The following COL10A1 variants were observed in gnomAD, a reference collection of about 807,000 sequenced individuals.
COL10A1 encodes the protein collagen type X alpha 1 chain, also known as collagen alpha-1(X) chain.
In COL10A1, 10 loss-of-function variants were observed where a neutral mutation model predicts 18.2. The observed-to-expected ratio is 0.55, with a 90% CI of 0.34 to 0.93. The LOEUF (loss-of-function observed/expected upper bound fraction) is 0.93, where lower values mean the gene tolerates loss of function less well. COL10A1 is among the 40% of genes least tolerant of loss of function. The pLI, the probability that COL10A1 is intolerant of heterozygous loss-of-function variation, is 0.02. For missense variants in COL10A1, 897 were observed against 853.5 expected, an observed-to-expected ratio of 1.05 and a Z score of -0.64; for synonymous variants, 330 against 316.6, an observed-to-expected ratio of 1.04 and a Z score of -0.45.
At chr6:116,162,363 A>G (rs927313325), upstream of COL10A1, among the ~76,000 whole-genome samples, 2 of 152,168 alleles carry the variant, frequency 1.3e-5, no homozygotes, top group African/African-American at 4.8e-5. Flanking sequence ...CCAGTTCTTA[A>G]AGGAAATGCT....
the COL10A1 span, among the ~76,000 whole-genome samples, chr6:116,179,028 A>G: frequency 6.6e-6 from 1 of 152,182 alleles, no homozygotes; most frequent in Non-Finnish European, 1.5e-5. Flanking sequence ...TCTTGGCCCT[A>G]AAATAGTCAA....
Position 116,120,079 on chromosome 6 carries a change from T to A in COL10A1, c.2037A>T (p.Pro679=). 1 of 1,613,606 alleles carries A rather than the reference T, an allele frequency of 6.2e-7. No homozygotes were observed. The highest frequency in any genetic ancestry group is 8.5e-7 in the Non-Finnish European group (1 of 1,179,642). Reference sequence around the variant, plus strand: ...AGATTAGCTCTGTGTGTACTCACATTGGAGCCACTAGGAATCCTGAGAAAG... The same window carrying A: ...AGATTAGCTCTGTGTGTACTCACATAGGAGCCACTAGGAATCCTGAGAAAG... ...HSSFSGFLVA[P]M is the part of the protein sequence containing the mutation. The change falls in exon 3 of 3, where the codon CCA becomes CCT. Residue 679 remains proline (P), a synonymous_variant. Transcript: ENST00000651968.
the COL10A1 span, among the ~76,000 whole-genome samples, chr6:116,167,060 C>T: frequency 1.3e-5 from 2 of 152,088 alleles, no homozygotes; most frequent in African/African-American, 2.4e-5. Flanking sequence ...AAAATTAAAT[C>T]ACACTTAAAA....
chr6:116,150,550 G>A (rs1780014106), intron 1 of COL10A1, among the ~76,000 whole-genome samples: 1 of 152,142 alleles, frequency 6.6e-6, no homozygotes, highest in African/African-American at 2.4e-5. Flanking sequence ...CTCCCAAAAC[G>A]CTGGGATTAC....
intron 1 of COL10A1, among the ~76,000 whole-genome samples, chr6:116,140,062 G>A (rs1779726719): frequency 6.6e-6 from 1 of 152,162 alleles, no homozygotes; most frequent in East Asian, 1.9e-4. Flanking sequence ...CCAAGGTGTT[G>A]AGGAATTCCA....
At chr6:116,171,431 G>A in the COL10A1 span, among the ~76,000 whole-genome samples, 1 of 152,106 alleles carries the variant, frequency 6.6e-6, no homozygotes, top group Non-Finnish European at 1.5e-5. Context: ...TATAAAAAAA[G>A]CCAGGCTGTG....
At chr6:116,208,037 G>A in the COL10A1 span, among the ~76,000 whole-genome samples, 9 of 151,744 alleles carry the variant, frequency 5.9e-5, no homozygotes, top group Non-Finnish European at 1.0e-4. Flanking sequence ...CAGGTCTTTC[G>A]TTTGTTAAAT....
At chr6:116,186,330 A>G in the COL10A1 span, among the ~76,000 whole-genome samples, 2 of 150,382 alleles carry the variant, frequency 1.3e-5, no homozygotes, top group Non-Finnish European at 3.0e-5. Flanking sequence ...TTCACTTTAG[A>G]TAACCTGGTG....
upstream of COL10A1, among the ~76,000 whole-genome samples, chr6:116,127,076 A>G (rs1779336304): frequency 6.6e-6 from 1 of 152,162 alleles, no homozygotes; most frequent in African/African-American, 2.4e-5. Flanking sequence ...ATCGTTTTGA[A>G]TCAAAATCAA....
rs756648351 is a variant in COL10A1 at position 116,120,461 on chromosome 6, G to T, written c.1655C>A (p.Ser552Tyr). 8 of 1,614,150 alleles carry T rather than the reference G, an allele frequency of 5.0e-6. No individual in the cohort carries two copies. The Admixed American group carries it at 5.0e-5, about 10-fold the overall frequency. ...ANQGVTGMPV[S>Y]AFTVILSKAY... Reference sequence around the variant, plus strand: ...TTTGGAGAGAATAACAGTAAAAGCAGACACAGGCATTCCTGTTACCCCCTG... The same window carrying T: ...TTTGGAGAGAATAACAGTAAAAGCATACACAGGCATTCCTGTTACCCCCTG... Residue 552 changes from serine (S) to tyrosine (Y), a missense_variant, in exon 3 of 3, where the codon TCT (serine) becomes TAT (tyrosine). Ser to Tyr is a moderately radical substitution (Grantham distance 144). Coordinates refer to ENST00000651968, the MANE Select transcript of COL10A1 (RefSeq NM_000493.4).
chr6:116,135,652 TAACA>T (rs1168761707), intron 1 of COL10A1, among the ~76,000 whole-genome samples: 4 of 151,654 alleles, frequency 2.6e-5, no homozygotes, highest in Non-Finnish European at 5.9e-5. Context: ...TTAATTCAAC[TAACA>T]AACATTTTTT....
chr6:116,133,537 AG>A (rs1779518731), intron 1 of COL10A1, among the ~76,000 whole-genome samples: 1 of 152,204 alleles, frequency 6.6e-6, no homozygotes, highest in South Asian at 2.1e-4. Flanking sequence ...GAGTACCTGT[AG>A]GGTCTGTGTG....
chr6:116,125,416 T>C lies in COL10A1; in HGVS notation c.77A>G (p.Gln26Arg). ...TGGGCCTTTTATGCCTGTGGGCATT[T>C]GGTATCGTTCAGCGTAAAACACTCC... is the stretch of plus-strand genomic sequence containing the variant. Reference protein sequence around the residue: ...VHGVFYAERYQMPTGIKGPLP... With the variant: ...VHGVFYAERYRMPTGIKGPLP... The change falls in exon 2 of 3, where the codon CAA becomes CGA. Residue 26 changes from glutamine to arginine, a missense_variant. By Grantham distance (43) the Gln-to-Arg change is conservative. Coordinates refer to ENST00000651968, the MANE Select transcript of COL10A1 (RefSeq NM_000493.4). 6.2e-7 allele frequency: 1 copy of C among 1,613,912 alleles called. No individual in the cohort carries two copies. Among genetic ancestry groups the C allele is most frequent in the Non-Finnish European group, 8.5e-7 (1 of 1,179,866 alleles).
chr6:116,182,222 A>AGAGAGAGAGTGTGTGTGTGT, the COL10A1 span, among the ~76,000 whole-genome samples: 219 of 124,682 alleles, frequency 1.8e-3, 4 homozygotes, highest in South Asian at 0.024. Flanking sequence ...TTCCATGGAG[A>AGAGAGAGAGTGTGTGTGTGT]GTGTGTGTGT....
At chr6:116,122,159 C>T (rs554426205) in intron 2 of COL10A1, among the ~76,000 whole-genome samples, 198 bp from the exon 3 acceptor site, 1 of 152,224 alleles carries the variant, frequency 6.6e-6, no homozygotes, top group South Asian at 2.1e-4. Flanking sequence ...GATGGTTTCA[C>T]AAAACCATGG....
At chr6:116,210,672 GTTA>G in the COL10A1 span, among the ~76,000 whole-genome samples, 3 of 151,892 alleles carry the variant, frequency 2.0e-5, no homozygotes, top group African/African-American at 2.4e-5. Context: ...GATTATGTCA[GTTA>G]TTATGAGGAT....
the COL10A1 span, among the ~76,000 whole-genome samples, chr6:116,190,025 G>T: frequency 1.3e-5 from 2 of 151,982 alleles, no homozygotes; most frequent in Non-Finnish European, 2.9e-5. Context: ...TCAGTTTAAT[G>T]TGGGCAGATT....
chr6:116,152,108 T>C (rs185002559), intron 1 of COL10A1, among the ~76,000 whole-genome samples: 1 of 152,358 alleles, frequency 6.6e-6, no homozygotes, highest in African/African-American at 2.4e-5. Context: ...GAGTGAGATT[T>C]GTATGTCACA....
chr6:116,151,804 A>G (rs1780047946), intron 1 of COL10A1, among the ~76,000 whole-genome samples: 1 of 152,206 alleles, frequency 6.6e-6, no homozygotes, highest in Admixed American at 6.5e-5. Context: ...AGCAGCAACA[A>G]CAAAATACTT....
Sources: gnomAD v4.1 joint callset for allele counts (sites outside exome capture counted in the v4.1 genomes callset) on GRCh38, gnomAD v4.1.1 for gene constraint, MANE v1.5 for transcripts, NCBI Gene and HGNC (gene_info 2026-07-23, HGNC 2026-07-21) for gene names.